The following UNC5C variants were observed in gnomAD, a reference collection of about 807,000 sequenced individuals.
The protein encoded by UNC5C is unc-5 netrin receptor C, also known as netrin receptor UNC5C.
Under a neutral mutation model 99.8 loss-of-function variants are expected in UNC5C, and 47 were observed. The ratio of observed to expected loss-of-function variants is 0.47; its 90% confidence interval spans 0.37 to 0.60. The LOEUF (loss-of-function observed/expected upper bound fraction) is 0.60. UNC5C is among the 20% of genes least tolerant of loss of function. The pLI, the probability that UNC5C is intolerant of heterozygous loss-of-function variation, is 0.00. For synonymous variants in UNC5C, 487 were observed against 452.2 expected, an observed-to-expected ratio of 1.08 and a Z score of -0.98; for missense variants, 1,062 against 1,165.9, an observed-to-expected ratio of 0.91 and a Z score of 1.30.
chr4:95,252,455 T>G (rs1012841233), intron 4 of UNC5C, among the ~76,000 whole-genome samples: 1 of 152,134 alleles, frequency 6.6e-6, no homozygotes, highest in Non-Finnish European at 1.5e-5. Flanking sequence ...GCTCACGGAT[T>G]GTTTTTGCCA....
At chr4:95,404,859 C>T (rs1210451402) in intron 1 of UNC5C, among the ~76,000 whole-genome samples, 2 of 152,116 alleles carry the variant, frequency 1.3e-5, no homozygotes, top group South Asian at 2.1e-4. Context: ...GGTGGAACAA[C>T]GTGGCAGAGA....
At chr4:95,469,709 T>G (rs1305275736) in intron 1 of UNC5C, among the ~76,000 whole-genome samples, 1 of 152,158 alleles carries the variant, frequency 6.6e-6, no homozygotes, top group Non-Finnish European at 1.5e-5. Context: ...ACTTTTTTTC[T>G]GCTTCTTGGG....
intron 3 of UNC5C, among the ~76,000 whole-genome samples, chr4:95,292,111 TAAA>T: frequency 6.6e-6 from 1 of 150,484 alleles, no homozygotes; most frequent in Non-Finnish European, 1.5e-5. Context: ...AGGTAGAAAA[TAAA>T]AAAGTAACAC....
intron 1 of UNC5C, among the ~76,000 whole-genome samples, chr4:95,412,788 G>A (rs1373856433): frequency 6.6e-6 from 1 of 152,092 alleles, no homozygotes; most frequent in Non-Finnish European, 1.5e-5. Context: ...TTGGGTTCCC[G>A]CTGTCAACAG....
intron 12 of UNC5C, among the ~76,000 whole-genome samples, chr4:95,197,477 A>T (rs1737477177): frequency 6.6e-6 from 1 of 152,132 alleles, no homozygotes; most frequent in Non-Finnish European, 1.5e-5. Context: ...AAGCACAAAC[A>T]AGGAAGCAGA....
chr4:95,367,365 G>A (rs1200242437), intron 1 of UNC5C, among the ~76,000 whole-genome samples: 3 of 151,750 alleles, frequency 2.0e-5, no homozygotes, highest in African/African-American at 7.3e-5. Flanking sequence ...TTTCCTTAGA[G>A]ACTGGGTTTC....
rs372968631 is a variant in UNC5C at position 95,352,055 on chromosome 4, G to T, written c.125-16424C>A. 3.9e-4 allele frequency among the ~76,000 whole-genome samples: 59 copies of T among 152,064 alleles called. No individual in the cohort carries two copies. In the Middle Eastern group the frequency reaches 0.01, roughly 26 times the overall value. On this transcript the variant is annotated intron_variant, in intron 1 of 15. Coordinates refer to ENST00000453304, the MANE Select transcript of UNC5C (RefSeq NM_003728.4). ...CTTTCTCCTTTAGTCTCTCCCCAAG[G>T]CATCTCATCCCAACTGTGGCTTCAG...
At chr4:95,453,585 G>C (rs919054277) in intron 1 of UNC5C, among the ~76,000 whole-genome samples, 4 of 152,096 alleles carry the variant, frequency 2.6e-5, no homozygotes, top group Non-Finnish European at 5.9e-5. Context: ...TCACTAATGA[G>C]CTCCACCTCT....
At chr4:95,511,089 GA>G (rs1266850690) in intron 1 of UNC5C, among the ~76,000 whole-genome samples, 1 of 152,114 alleles carries the variant, frequency 6.6e-6, no homozygotes, top group African/African-American at 2.4e-5. Context: ...CAGTGATAGA[GA>G]AGTTAATGAT....
chr4:95,281,135 C>A (rs1318428204), intron 3 of UNC5C, among the ~76,000 whole-genome samples: 5 of 152,138 alleles, frequency 3.3e-5, no homozygotes, highest in Non-Finnish European at 7.4e-5. Context: ...TGGGCAAAGA[C>A]ATAATAACTG....
intron 3 of UNC5C, among the ~76,000 whole-genome samples, chr4:95,288,465 T>C (rs1188077157): frequency 2.6e-5 from 4 of 152,240 alleles, no homozygotes; most frequent in Admixed American, 1.3e-4. Flanking sequence ...GATTACTCCA[T>C]GATGTGAATT....
At chr4:95,536,082 A>ATATATATATATATATATTT (rs1180330785) in intron 1 of UNC5C, among the ~76,000 whole-genome samples, 1 of 78,442 alleles carries the variant, frequency 1.3e-5, no homozygotes, top group East Asian at 2.8e-4. Flanking sequence ...ATATATATAT[A>ATATATATATATATATATTT]TTTTTTTTTT....
Position 95,218,108 on chromosome 4 carries a change from T to C in UNC5C, c.1645+861A>G, listed in dbSNP as rs140819318. 1.1e-4 allele frequency among the ~76,000 whole-genome samples: 17 copies of C among 152,332 alleles called. No homozygotes were observed. The East Asian group carries it at 3.1e-3, about 28-fold the overall frequency. ...ATATTCCTTGAGTATACACATATTA[T>C]GTTTTTTCAATGTGACAACACTTTA... On this transcript the variant is annotated intron_variant, in intron 9 of 15. Transcript: ENST00000453304.
At chr4:95,273,223 A>G (rs986603685) in intron 4 of UNC5C, among the ~76,000 whole-genome samples, 27 of 152,328 alleles carry the variant, frequency 1.8e-4, no homozygotes, top group Admixed American at 9.2e-4. Flanking sequence ...TGTTCCTCCA[A>G]TTAAACTCCT....
chr4:95,429,720 T>C (rs558980415), intron 1 of UNC5C, among the ~76,000 whole-genome samples: 4 of 152,248 alleles, frequency 2.6e-5, no homozygotes, highest in South Asian at 4.1e-4. Context: ...TTCTAACATA[T>C]ATTCTTGTCA....
intron 2 of UNC5C, among the ~76,000 whole-genome samples, chr4:95,322,937 CAA>C (rs34082198): frequency 0.021 from 1,899 of 89,720 alleles, 42 homozygotes; most frequent in African/African-American, 0.064. Context: ...GATTCTGTCT[CAA>C]AAAAAAAAAA....
chr4:95,498,223 T>A (rs990802862), intron 1 of UNC5C, among the ~76,000 whole-genome samples: 2 of 152,036 alleles, frequency 1.3e-5, no homozygotes, highest in South Asian at 4.1e-4. Flanking sequence ...TAACAATATT[T>A]TGAATAATCA....
chr4:95,501,843 C>T (rs1721783572), intron 1 of UNC5C, among the ~76,000 whole-genome samples: 1 of 152,112 alleles, frequency 6.6e-6, no homozygotes, highest in Non-Finnish European at 1.5e-5. Context: ...TGACCTCTTT[C>T]ATGTAAAACA....
intron 2 of UNC5C, among the ~76,000 whole-genome samples, chr4:95,329,327 G>C (rs577186249): frequency 1.6e-4 from 25 of 152,218 alleles, no homozygotes; most frequent in African/African-American, 5.5e-4. Context: ...TATCACAGTA[G>C]GGATAAACAG....
Sources: gnomAD v4.1 joint callset for allele counts (sites outside exome capture counted in the v4.1 genomes callset) on GRCh38, gnomAD v4.1.1 for gene constraint, MANE v1.5 for transcripts, NCBI Gene and HGNC (gene_info 2026-07-23, HGNC 2026-07-21) for gene names.